The following CDKL4 variants were observed in gnomAD, a reference collection of about 807,000 sequenced individuals.
CDKL4 encodes the protein cyclin dependent kinase like 4, also known as cyclin-dependent kinase-like 4.
CDKL4 carries 44 observed loss-of-function variants against 42.0 expected under a neutral mutation model. The observed-to-expected ratio is 1.05, with a 90% CI of 0.82 to 1.35. The LOEUF (loss-of-function observed/expected upper bound fraction) is 1.35, where lower values mean the gene tolerates loss of function less well. Among genes scored for constraint, CDKL4 ranks in the 40% most tolerant of loss-of-function variants. CDKL4 has a pLI of 0.00. For missense variants in CDKL4, 393 were observed against 369.9 expected (o/e 1.06, Z -0.51); for synonymous variants, 120 against 121.6 (o/e 0.99, Z 0.09).
chr2:39,242,044 CTTT>C (rs74579526), intron 1 of CDKL4, among the ~76,000 whole-genome samples: 5 of 141,178 alleles, frequency 3.5e-5, no homozygotes, highest in Admixed American at 7.1e-5. Flanking sequence ...TTTCTTTTTC[CTTT>C]TTTTTTTTTT....
intron 3 of CDKL4, among the ~76,000 whole-genome samples, chr2:39,225,360 G>A (rs1488056794): frequency 4.0e-5 from 6 of 151,154 alleles, no homozygotes; most frequent in Middle Eastern, 3.2e-3. Flanking sequence ...AGCTGAGATC[G>A]CGCCACTGCA....
At chr2:39,187,512 T>C in intron 7 of CDKL4, 115 bp downstream of exon 7, 1 of 736,518 alleles carries the variant, frequency 1.4e-6, no homozygotes, top group Non-Finnish European at 2.2e-6. Flanking sequence ...GCCACTGCAC[T>C]CCAGCCTTGG....
intron 2 of CDKL4, among the ~76,000 whole-genome samples, 162 bp downstream of exon 2, chr2:39,229,203 G>C (rs1340016564): frequency 1.3e-5 from 2 of 152,192 alleles, no homozygotes; most frequent in African/African-American, 2.4e-5. Context: ...CAAAATCAGA[G>C]TGGCCGAAGT....
chr2:39,222,704 T>C (rs557453389), intron 3 of CDKL4, among the ~76,000 whole-genome samples: 1 of 152,210 alleles, frequency 6.6e-6, no homozygotes, highest in East Asian at 1.9e-4. Context: ...ACAGGAAAGC[T>C]TAGGATACAA....
chr2:39,206,766 T>C (rs1677224270), intron 4 of CDKL4, among the ~76,000 whole-genome samples: 1 of 152,262 alleles, frequency 6.6e-6, no homozygotes, highest in South Asian at 2.1e-4. Flanking sequence ...ACTGACAGAA[T>C]TAACTGTCAT....
intron 4 of CDKL4, among the ~76,000 whole-genome samples, chr2:39,209,318 A>G (rs1216792436): frequency 1.6e-4 from 1 of 6,234 alleles, no homozygotes; most frequent in Non-Finnish European, 1.9e-3. Context: ...TCTCAGGAAG[A>G]AAAAAAAAAA....
At chr2:39,190,874 G>C (rs1292803904) in intron 5 of CDKL4, among the ~76,000 whole-genome samples, 2 of 152,270 alleles carry the variant, frequency 1.3e-5, no homozygotes, top group Non-Finnish European at 2.9e-5. Flanking sequence ...ATAGGTTGAA[G>C]TCCTAATTCT....
At chr2:39,206,715 A>G (rs1199808189) in intron 4 of CDKL4, among the ~76,000 whole-genome samples, 2 of 152,222 alleles carry the variant, frequency 1.3e-5, no homozygotes, top group African/African-American at 4.8e-5. Flanking sequence ...CAAAGCATAA[A>G]TTATTTCATC....
At chr2:39,209,709 A>T (rs1460455093) in intron 4 of CDKL4, among the ~76,000 whole-genome samples, 2 of 152,164 alleles carry the variant, frequency 1.3e-5, no homozygotes, top group Non-Finnish European at 2.9e-5. Flanking sequence ...TCTGGAGATG[A>T]TAAGGTGCAC....
chr2:39,191,115 G>C (rs1387804300), intron 5 of CDKL4, among the ~76,000 whole-genome samples: 1 of 152,136 alleles, frequency 6.6e-6, no homozygotes, highest in Non-Finnish European at 1.5e-5. Context: ...AGCTGGGCTA[G>C]AGGCCGGGCA....
chr2:39,222,545 G>A (rs928114132), intron 3 of CDKL4, among the ~76,000 whole-genome samples: 10 of 151,994 alleles, frequency 6.6e-5, no homozygotes, highest in Non-Finnish European at 1.3e-4. Flanking sequence ...AGCCGAGATC[G>A]CCCCACTGCA....
chr2:39,178,795 T>C (rs1675275888), intron 9 of CDKL4: 1 of 1,568,988 alleles, frequency 6.4e-7, no homozygotes, highest in East Asian at 2.3e-5. Context: ...AAGTTACCGT[T>C]ATTGCACATC....
exon 4 of CDKL4, chr2:39,213,447 C>T (rs770898977): frequency 5.0e-6 from 8 of 1,610,656 alleles, no homozygotes; most frequent in East Asian, 2.2e-5. Context: ...TGCCATAATA[C>T]GCTTTTGATC....
At chr2:39,218,506 A>G (rs1297660094) in intron 3 of CDKL4, among the ~76,000 whole-genome samples, 1 of 152,158 alleles carries the variant, frequency 6.6e-6, no homozygotes, top group Non-Finnish European at 1.5e-5. Context: ...CAAAAAACAA[A>G]AAAAACCCAA....
chr2:39,191,463 T>C (rs1212001501), intron 5 of CDKL4, among the ~76,000 whole-genome samples: 2 of 152,194 alleles, frequency 1.3e-5, no homozygotes, highest in East Asian at 3.8e-4. Flanking sequence ...TTAGAGGGAA[T>C]GTGGCCCTGC....
In CDKL4 at chr2:39,204,522, C is replaced by T; in HGVS notation, c.454+5G>A. On this transcript the variant is annotated splice_donor_5th_base_variant and intron_variant, in intron 5 of 9. Transcript: ENST00000451199. ...TGGGTATTAGTAAAAAAAATTGCTA[C>T]TTACTCAGAATTTGTGCAAACCCGA... 6.3e-7 allele frequency: 1 copy of T among 1,575,160 alleles called. No homozygotes were observed. The highest frequency in any genetic ancestry group is 1.7e-4 in the Middle Eastern group (1 of 5,920).
chr2:39,186,171 C>A (rs772810657), intron 7 of CDKL4, among the ~76,000 whole-genome samples: 2 of 152,130 alleles, frequency 1.3e-5, no homozygotes, highest in Non-Finnish European at 1.5e-5. Flanking sequence ...TTTAACCTTG[C>A]AGTTCAACCT....
intron 3 of CDKL4, among the ~76,000 whole-genome samples, chr2:39,219,817 G>A (rs1678190347): frequency 6.6e-6 from 1 of 152,136 alleles, no homozygotes; most frequent in African/African-American, 2.4e-5. Context: ...AACAATATGG[G>A]GAACATAAGT....
intron 9 of CDKL4, among the ~76,000 whole-genome samples, chr2:39,177,943 C>T (rs552429423): frequency 1.2e-4 from 18 of 152,340 alleles, no homozygotes; most frequent in Admixed American, 3.3e-4. Flanking sequence ...CCCACCTTGG[C>T]CTCCCAAAGT....
Sources: gnomAD v4.1 joint callset for allele counts (sites outside exome capture counted in the v4.1 genomes callset) on GRCh38, gnomAD v4.1.1 for gene constraint, MANE v1.5 for transcripts, NCBI Gene and HGNC (gene_info 2026-07-23, HGNC 2026-07-21) for gene names.